TAS2R14: variants seen among roughly 807,000 people sequenced by gnomAD.
TAS2R14 encodes the protein taste 2 receptor member 14, also known as taste receptor type 2 member 14.
For missense variants in TAS2R14, 383 were observed against 372.0 expected (o/e 1.03, Z -0.24); for synonymous variants, 131 against 131.0 (o/e 1.00, Z 0.00).
exon 1 of TAS2R14, chr12:10,938,496 G>A (rs1232342505): frequency 2.5e-6 from 4 of 1,613,942 alleles, no homozygotes; most frequent in Non-Finnish European, 3.4e-6. Flanking sequence ...GCATAGAGTA[G>A]GAAGAAAGTG....
At chr12:10,938,648 A>C in exon 1 of TAS2R14, 3 of 1,614,074 alleles carry the variant, frequency 1.9e-6, no homozygotes. Context: ...GGGTATGAAA[A>C]TGAACACAGT....
chr12:10,938,501 A>C, exon 1 of TAS2R14: 2 of 1,614,128 alleles, frequency 1.2e-6, no homozygotes, highest in Non-Finnish European at 1.7e-6. Flanking sequence ...GAGTAGGAAG[A>C]AAGTGATCAC....
exon 1 of TAS2R14, chr12:10,938,051 A>C: frequency 2.2e-6 from 1 of 448,738 alleles, no homozygotes; most frequent in East Asian, 3.4e-5. Context: ...TTGTATAAGA[A>C]CTCTTTATAG....
rs553488042 is a variant in TAS2R14 at position 10,937,866 on chromosome 12, A to G, written c.*388T>C. 1.9e-3 allele frequency: 308 copies of G among 158,750 alleles called. 1 individual carries two copies. The highest frequency in any genetic ancestry group is 5.9e-3 in the South Asian group (29 of 4,888). The allele number at this position is 158,750 out of a possible 1,614,324, so 9.8% of individuals were successfully genotyped here. ...AAAAACACTTAATATAGGTACTAAA[A>G]TTCCATATTCTTTTATGTACTTTAT... On this transcript the variant is annotated 3_prime_UTR_variant, in exon 1 of 1. Coordinates refer to ENST00000537503, the Ensembl canonical transcript of TAS2R14.
exon 1 of TAS2R14, chr12:10,938,405 A>T: frequency 6.2e-7 from 1 of 1,614,094 alleles, no homozygotes; most frequent in South Asian, 1.1e-5. Flanking sequence ...AGCCATTCCC[A>T]TCACCTGGGA....
At chr12:10,938,609 A>G (rs777061649) in exon 1 of TAS2R14, 3 of 1,613,820 alleles carry the variant, frequency 1.9e-6, no homozygotes, top group Non-Finnish European at 8.5e-7. Flanking sequence ...GAAGATGAGG[A>G]GAAGAAACAT....
At chr12:10,939,069 T>C (rs765565736) in exon 1 of TAS2R14, 2 of 1,614,008 alleles carry the variant, frequency 1.2e-6, no homozygotes, top group South Asian at 1.1e-5. Flanking sequence ...GCAGTGAGGA[T>C]CCGATCAACC....
exon 1 of TAS2R14, chr12:10,938,594 A>C: frequency 6.2e-7 from 1 of 1,613,948 alleles, no homozygotes; most frequent in Non-Finnish European, 8.5e-7. Context: ...ATGTTTCCAC[A>C]TGGAGAAGAT....
At chr12:10,938,022 C>G (rs1222069140) in exon 1 of TAS2R14, 3 of 388,578 alleles carry the variant, frequency 7.7e-6, no homozygotes, top group Non-Finnish European at 1.4e-5. Context: ...ATGATTGATA[C>G]AAAATCTATA....
exon 1 of TAS2R14, chr12:10,939,019 G>C (rs142263768): frequency 2.5e-6 from 4 of 1,613,460 alleles, no homozygotes; most frequent in Admixed American, 3.3e-5. Context: ...ACCAGCTTCC[G>C]AATATTAACC....
exon 1 of TAS2R14, chr12:10,937,574 G>A (rs1267207905): frequency 2.0e-5 from 3 of 152,016 alleles, no homozygotes; most frequent in Non-Finnish European, 2.9e-5. Context: ...CAGCAGTTAC[G>A]ATCAGGATTA....
exon 1 of TAS2R14, chr12:10,939,122 A>G (rs1950349677): frequency 1.2e-6 from 2 of 1,604,702 alleles, no homozygotes; most frequent in Non-Finnish European, 1.7e-6. Flanking sequence ...ACAGTTCACC[A>G]GTGCTATGAA....
exon 1 of TAS2R14, chr12:10,938,850 G>C: frequency 6.2e-7 from 1 of 1,613,602 alleles, no homozygotes; most frequent in Non-Finnish European, 8.5e-7. Flanking sequence ...TTTAGGTAGA[G>C]AAAAATAGAG....
At chr12:10,939,046 A>G in exon 1 of TAS2R14, 1 of 1,613,948 alleles carries the variant, frequency 6.2e-7, no homozygotes, top group Non-Finnish European at 8.5e-7. Flanking sequence ...GGCTAATTCG[A>G]GAGATTGCCA....
chr12:10,939,249 A>C, exon 1 of TAS2R14: 1 of 1,179,340 alleles, frequency 8.5e-7, no homozygotes, highest in Non-Finnish European at 1.2e-6. Flanking sequence ...TCACTGCTGA[A>C]GACTTCTTAA....
chr12:10,938,573 A>G (rs753229996), exon 1 of TAS2R14: 8 of 1,613,896 alleles, frequency 5.0e-6, no homozygotes, highest in African/African-American at 1.3e-5. Context: ...AGTGTGCTGC[A>G]TCTTCTTGCG....
exon 1 of TAS2R14, chr12:10,938,108 C>T: frequency 1.7e-6 from 1 of 585,776 alleles, no homozygotes; most frequent in Non-Finnish European, 3.0e-6. Flanking sequence ...TTCATATATC[C>T]TAATTTGTGA....
intron 4 of TAS2R14, chr12:10,938,996 AAC>A: frequency 1.9e-6 from 3 of 1,613,554 alleles, no homozygotes; most frequent in South Asian, 1.1e-5. Context: ...AGCTGGGAAA[AAC>A]ACAGACACAC....
exon 1 of TAS2R14, chr12:10,939,203 C>A (rs757612514): frequency 3.2e-6 from 5 of 1,547,708 alleles, no homozygotes; most frequent in Non-Finnish European, 4.4e-6. Flanking sequence ...TATGACACCA[C>A]CCATTGCCTG....
Sources: gnomAD v4.1 joint callset for allele counts on GRCh38, gnomAD v4.1.1 for gene constraint, MANE v1.5 for transcripts, NCBI Gene and HGNC (gene_info 2026-07-23, HGNC 2026-07-21) for gene names.